The following STK33 variants were observed in gnomAD, a reference collection of about 807,000 sequenced individuals.
The protein encoded by STK33 is serine/threonine kinase 33, also known as serine/threonine-protein kinase 33.
In STK33, 52 loss-of-function variants were observed where a neutral mutation model predicts 58.0. That is an observed-to-expected ratio of 0.90 (90% CI 0.72 to 1.13). STK33 has a LOEUF of 1.13. Ranked by LOEUF, STK33 falls within the 50% of genes most tolerant of loss-of-function variation. The pLI, the probability that STK33 is intolerant of heterozygous loss-of-function variation, is 0.00. For synonymous variants in STK33, 215 were observed against 200.1 expected, an observed-to-expected ratio of 1.07 and a Z score of -0.63; for missense variants, 630 against 604.2, an observed-to-expected ratio of 1.04 and a Z score of -0.45.
chr11:8,362,467 G>A, the STK33 span, among the ~76,000 whole-genome samples: 4 of 152,040 alleles, frequency 2.6e-5, no homozygotes, highest in Non-Finnish European at 5.9e-5. Context: ...GGGCTGATCG[G>A]GAAATATATT....
At chr11:8,549,760 T>C (rs2140527150) in intron 1 of STK33, among the ~76,000 whole-genome samples, 1 of 152,316 alleles carries the variant, frequency 6.6e-6, no homozygotes, top group Admixed American at 6.5e-5. Context: ...TTTCAATTTG[T>C]TGGCATATAG....
the STK33 span, among the ~76,000 whole-genome samples, chr11:8,369,001 G>A: frequency 1.7e-4 from 26 of 152,254 alleles, no homozygotes; most frequent in Non-Finnish European, 2.5e-4. Flanking sequence ...ATGGAATGCC[G>A]GTTAGGGGAC....
At chr11:8,522,340 T>C (rs186510617) in intron 1 of STK33, among the ~76,000 whole-genome samples, 52 of 152,124 alleles carry the variant, frequency 3.4e-4, no homozygotes, top group Admixed American at 3.3e-3. Context: ...TGGGTGAAGC[T>C]AGAAACCATG....
chr11:8,573,962 T>C (rs1591854059), intron 1 of STK33, among the ~76,000 whole-genome samples: 1 of 151,988 alleles, frequency 6.6e-6, no homozygotes, highest in African/African-American at 2.4e-5. Flanking sequence ...AGACTCAGGG[T>C]GATGATGCAG....
the STK33 span, among the ~76,000 whole-genome samples, chr11:8,377,988 T>A: frequency 6.6e-6 from 1 of 152,214 alleles, no homozygotes; most frequent in Non-Finnish European, 1.5e-5. Flanking sequence ...CCCAAGCTCA[T>A]GAACTAGAAG....
intron 1 of STK33, among the ~76,000 whole-genome samples, chr11:8,525,599 C>A (rs1195711621): frequency 6.6e-6 from 1 of 152,022 alleles, no homozygotes; most frequent in Non-Finnish European, 1.5e-5. Context: ...TAATTTCAGG[C>A]GGATTATAAA....
downstream of STK33, among the ~76,000 whole-genome samples, chr11:8,388,266 G>C (rs1848571644): frequency 6.6e-6 from 1 of 152,146 alleles, no homozygotes; most frequent in Non-Finnish European, 1.5e-5. Flanking sequence ...CTCCTCTGAG[G>C]GCTGACCCAG....
chr11:8,497,681 C>G (rs987428640), intron 1 of STK33, among the ~76,000 whole-genome samples: 14 of 152,190 alleles, frequency 9.2e-5, no homozygotes, highest in African/African-American at 2.9e-4. Flanking sequence ...AGGCTGGTCT[C>G]GAACTCCTGG....
At chr11:8,556,409 G>C (rs1306627956) in intron 1 of STK33, among the ~76,000 whole-genome samples, 1 of 152,144 alleles carries the variant, frequency 6.6e-6, no homozygotes, top group Non-Finnish European at 1.5e-5. Context: ...CATCTTTTCA[G>C]TAACACAGCT....
intron 14 of STK33, among the ~76,000 whole-genome samples, chr11:8,421,990 A>G (rs938781787): frequency 2.6e-5 from 4 of 151,910 alleles, no homozygotes; most frequent in Non-Finnish European, 5.9e-5. Flanking sequence ...AATAAATCTT[A>G]TTTCTGTTTT....
At chr11:8,486,324 A>G (rs1950192793) in intron 1 of STK33, among the ~76,000 whole-genome samples, 1 of 152,124 alleles carries the variant, frequency 6.6e-6, no homozygotes, top group East Asian at 1.9e-4. Flanking sequence ...TACTTCCTTA[A>G]CAAAATTTGC....
chr11:8,445,113 T>C (rs1241768200), intron 11 of STK33, among the ~76,000 whole-genome samples: 3 of 152,204 alleles, frequency 2.0e-5, no homozygotes, highest in Non-Finnish European at 2.9e-5. Flanking sequence ...CCCTGATAAG[T>C]TGCATTCCTA....
chr11:8,356,269 A>T, the STK33 span, among the ~76,000 whole-genome samples: 1 of 152,134 alleles, frequency 6.6e-6, no homozygotes, highest in African/African-American at 2.4e-5. Flanking sequence ...ATCCACGTCC[A>T]CCTTTGACTG....
chr11:8,586,947 A>G (rs1174202698), intron 1 of STK33, among the ~76,000 whole-genome samples: 2 of 151,968 alleles, frequency 1.3e-5, no homozygotes, highest in Admixed American at 1.3e-4. Context: ...TATCTGGCTC[A>G]TAATTTAGTA....
At chr11:8,414,025 T>C (rs146054912) in intron 14 of STK33, among the ~76,000 whole-genome samples, 37 of 152,040 alleles carry the variant, frequency 2.4e-4, no homozygotes, top group Non-Finnish European at 2.5e-4. Context: ...TCTTAGAAAA[T>C]TGAGAGGGAG....
chr11:8,578,047 A>G (rs1958309925), intron 1 of STK33, among the ~76,000 whole-genome samples: 1 of 152,086 alleles, frequency 6.6e-6, no homozygotes, highest in African/African-American at 2.4e-5. Flanking sequence ...ATCTCTCACT[A>G]CAAGTCAGTC....
At chr11:8,543,062 C>G (rs1215716220) in intron 1 of STK33, among the ~76,000 whole-genome samples, 1 of 152,068 alleles carries the variant, frequency 6.6e-6, no homozygotes, top group Non-Finnish European at 1.5e-5. Flanking sequence ...TGATGCCGCC[C>G]AATGCAGACT....
intron 1 of STK33, among the ~76,000 whole-genome samples, chr11:8,511,948 C>G (rs1215287973): frequency 6.6e-6 from 1 of 152,008 alleles, no homozygotes; most frequent in African/African-American, 2.4e-5. Context: ...TATGTCATAA[C>G]TCTAAGATAT....
At chr11:8,359,455 C>T in the STK33 span, among the ~76,000 whole-genome samples, 27 of 152,166 alleles carry the variant, frequency 1.8e-4, no homozygotes, top group East Asian at 7.7e-4. Flanking sequence ...AATTTTAAAA[C>T]GGCAGGGAGA....
Sources: allele counts gnomAD v4.1 joint callset (sites outside exome capture counted in the v4.1 genomes callset), GRCh38; gene constraint gnomAD v4.1.1; transcripts MANE v1.5; gene names NCBI Gene and HGNC (gene_info 2026-07-23, HGNC 2026-07-21).